Variants in ISM1 observed in about 807,000 individuals in gnomAD.
The protein encoded by ISM1 is isthmin 1.
A neutral mutation model predicts 46.3 loss-of-function variants in ISM1; 25 were observed. The observed-to-expected ratio is 0.54, with a 90% CI of 0.39 to 0.75. The LOEUF (loss-of-function observed/expected upper bound fraction) is 0.75, where lower values mean the gene tolerates loss of function less well. ISM1 is among the 30% of genes least tolerant of loss of function. The probability of loss-of-function intolerance (pLI) is 0.00; values close to 1 mark genes in which losing one functional copy is unlikely to be tolerated. For synonymous variants in ISM1, 255 were observed against 256.7 expected, an observed-to-expected ratio of 0.99 and a Z score of 0.06; for missense variants, 536 against 625.4, an observed-to-expected ratio of 0.86 and a Z score of 1.52.
At chr20:13,277,731 G>A (rs531930250) in intron 2 of ISM1, among the ~76,000 whole-genome samples, 2 of 151,748 alleles carry the variant, frequency 1.3e-5, no homozygotes, top group African/African-American at 4.8e-5. Context: ...TGGAGTAAGG[G>A]TGGTGGCATG....
the ISM1 span, among the ~76,000 whole-genome samples, chr20:13,314,485 T>C: frequency 6.6e-6 from 1 of 151,492 alleles, no homozygotes; most frequent in Non-Finnish European, 1.5e-5. Flanking sequence ...TTTAAAGTAT[T>C]GAGAGAGAGA....
the ISM1 span, among the ~76,000 whole-genome samples, chr20:13,307,988 C>T: frequency 6.6e-6 from 1 of 152,060 alleles, no homozygotes; most frequent in Admixed American, 6.6e-5. Context: ...TTGATACTGC[C>T]CAGTAGTTTT....
At chr20:13,225,195 G>A (rs1440164761) in intron 1 of ISM1, among the ~76,000 whole-genome samples, 1 of 152,008 alleles carries the variant, frequency 6.6e-6, no homozygotes, top group Non-Finnish European at 1.5e-5. Context: ...CGGGAATTAG[G>A]TGCTATCATT....
intron 2 of ISM1, among the ~76,000 whole-genome samples, chr20:13,276,393 T>C (rs753421138): frequency 6.6e-6 from 1 of 151,942 alleles, no homozygotes; most frequent in Non-Finnish European, 1.5e-5. Flanking sequence ...GTCAATGTAT[T>C]AATTTTCAAG....
chr20:13,288,927 G>A (rs564411315), intron 4 of ISM1, among the ~76,000 whole-genome samples: 1 of 152,254 alleles, frequency 6.6e-6, no homozygotes, highest in African/African-American at 2.4e-5. Context: ...TGGGATTACA[G>A]GCACATGCCA....
At chr20:13,316,742 TA>T in the ISM1 span, among the ~76,000 whole-genome samples, 1,216 of 143,072 alleles carry the variant, frequency 8.5e-3, 17 homozygotes, top group African/African-American at 0.029. Context: ...CCATTCATTA[TA>T]AAAAAAAAAA....
the ISM1 span, among the ~76,000 whole-genome samples, chr20:13,320,831 C>T: frequency 6.6e-6 from 1 of 152,216 alleles, no homozygotes; most frequent in African/African-American, 2.4e-5. Flanking sequence ...GTTAAAGATA[C>T]CATTTCTTTT....
chr20:13,227,568 G>T (rs1398478189), intron 1 of ISM1, among the ~76,000 whole-genome samples: 1 of 147,866 alleles, frequency 6.8e-6, no homozygotes, highest in African/African-American at 2.5e-5. Flanking sequence ...GAGTGCAGTG[G>T]CGCGATCTTG....
chr20:13,252,227 C>T (rs2123196314), intron 1 of ISM1, among the ~76,000 whole-genome samples: 1 of 152,290 alleles, frequency 6.6e-6, no homozygotes, highest in Non-Finnish European at 1.5e-5. Context: ...TGAATGAATG[C>T]AGCTCAGGAA....
At position 13,299,143 on chromosome 20, in the gene ISM1, T is replaced by C. The variant is rs2040435470; in HGVS notation, c.1079T>C (p.Ile360Thr). The C allele has an allele frequency of 6.2e-7, 1 of 1,612,586 alleles. No homozygotes were observed. The highest frequency in any genetic ancestry group is 8.5e-7 in the Non-Finnish European group (1 of 1,179,496). ...AGCGGGCCCAAGGAGAAGCTGGAGA[T>C]CTACAAGCCCACTGCCCGGTACTGC... ...DASGPKEKLE[I>T]YKPTARYCIR... Residue 360 changes from isoleucine (I) to threonine (T), a missense_variant, in exon 6 of 6, where the codon ATC becomes ACC. Around this residue, in one of 2 missense-constraint regions of ISM1, gnomAD observed 169 missense variants for 249.3 expected, o/e 0.68. Transcript: ENST00000262487. The surrounding 1 kb of genome is among the most constrained non-coding windows in gnomAD (Gnocchi z 5.8).
intron 1 of ISM1, among the ~76,000 whole-genome samples, chr20:13,259,009 G>A (rs1368937270): frequency 6.6e-6 from 1 of 152,146 alleles, no homozygotes; most frequent in Non-Finnish European, 1.5e-5. Context: ...TGGGCCGGGC[G>A]CAATGGCTCA....
In ISM1 at chr20:13,293,544, G is replaced by A. The variant is rs566185858; in HGVS notation, c.877+1081G>A. Among the ~76,000 whole-genome samples, 4 of 151,830 alleles carry A rather than the reference G, an allele frequency of 2.6e-5. No individual in the cohort carries two copies. The South Asian group carries it at 8.3e-4, about 32-fold the overall frequency. On this transcript the variant is annotated intron_variant, in intron 5 of 5. Coordinates refer to ENST00000262487, the MANE Select transcript of ISM1 (RefSeq NM_080826.2). ...GCCCTGCAATTTGGGAGCTAATTTG[G>A]TGAACAAAAATGTTCCTCAAATGCC...
chr20:13,283,854 A>AT (rs557329251), intron 3 of ISM1, among the ~76,000 whole-genome samples: 8 of 152,132 alleles, frequency 5.3e-5, no homozygotes, highest in South Asian at 2.1e-4. Context: ...TTTCACAGTG[A>AT]TTTTTTTTCA....
At chr20:13,233,605 A>G (rs2039615337) in intron 1 of ISM1, among the ~76,000 whole-genome samples, 1 of 152,046 alleles carries the variant, frequency 6.6e-6, no homozygotes, top group African/African-American at 2.4e-5. Context: ...CAAAAAAAAA[A>G]AAAAAAAAAG....
chr20:13,270,486 CTTGT>C lies in ISM1; in HGVS notation c.139-7_139-4del, dbSNP rs772613380. The stretch of plus-strand genomic sequence containing the variant: ...CATGTGTCTCCTTAACAGGTGTTTG[CTTGT>C]TTGTTTGTTTTAGAATAACCTCAAC... On this transcript the variant is annotated splice_polypyrimidine_tract_variant and intron_variant, in intron 1 of 5. Coordinates refer to ENST00000262487, the MANE Select transcript of ISM1 (RefSeq NM_080826.2). 3.3e-4 allele frequency: 529 copies of C among 1,602,534 alleles called. 2 individuals carry two copies. Among genetic ancestry groups the C allele is most frequent in the Middle Eastern group, 1.8e-3 (11 of 6,050 alleles).
intron 1 of ISM1, among the ~76,000 whole-genome samples, chr20:13,264,385 T>C (rs189593306): frequency 1.2e-4 from 19 of 152,286 alleles, no homozygotes; most frequent in African/African-American, 2.4e-5. Context: ...CAGTCCTTGG[T>C]TGGTGTTTGC....
chr20:13,276,430 G>T (rs991635112), intron 2 of ISM1, among the ~76,000 whole-genome samples: 1 of 152,170 alleles, frequency 6.6e-6, no homozygotes, highest in Non-Finnish European at 1.5e-5. Flanking sequence ...AAGGTGCATT[G>T]GAACTTTTCC....
intron 1 of ISM1, among the ~76,000 whole-genome samples, chr20:13,247,946 C>A (rs182607853): frequency 6.6e-6 from 1 of 152,096 alleles, no homozygotes. Flanking sequence ...AATCCCTTGC[C>A]TTTGTGGGTC....
rs1050550989 is a variant in ISM1, at chr20:13,288,788, T to C, written c.787+105T>C. 4 of 1,238,352 alleles carry C rather than the reference T, an allele frequency of 3.2e-6. No homozygotes were observed. The Admixed American group carries it at 9.5e-5, about 29-fold the overall frequency. 76.7% of individuals were successfully genotyped at this position (1,238,352 alleles called of 1,614,324 possible). A position where few individuals can be genotyped will look rare whatever the true frequency, so the allele number is the denominator to read the frequency against. On this transcript the variant is annotated intron_variant, in intron 4 of 5. Coordinates refer to ENST00000262487, the MANE Select transcript of ISM1 (RefSeq NM_080826.2). The stretch of plus-strand genomic sequence containing the variant: ...TTTTTAAAAGATGCACTACTTTTCT[T>C]TTCTTTTTTTTTTTGAGACGGAGTC...
Sources: gnomAD v4.1 joint callset for allele counts (sites outside exome capture counted in the v4.1 genomes callset) on GRCh38, gnomAD v4.1.1 for gene constraint, gnomAD v4.1.1 regional missense constraint, Gnocchi (gnomAD v3.1) non-coding constraint, MANE v1.5 for transcripts, NCBI Gene and HGNC (gene_info 2026-07-23, HGNC 2026-07-21) for gene names.